CACNA1C: variants seen among roughly 807,000 people sequenced by gnomAD.
CACNA1C encodes calcium voltage-gated channel subunit alpha1 C.
CACNA1C carries 30 observed loss-of-function variants against 229.0 expected under a neutral mutation model. The ratio of observed to expected loss-of-function variants is 0.13; its 90% CI spans 0.10 to 0.18. The LOEUF is 0.18. Among genes scored for constraint, CACNA1C ranks in the 10% least tolerant of loss-of-function variants. The pLI is 1.00. For missense variants in CACNA1C, 1,658 were observed against 2,845.0 expected (o/e 0.58, Z 9.49); for synonymous variants, 1,114 against 1,132.5 (o/e 0.98, Z 0.33).
intron 1 of CACNA1C, among the ~76,000 whole-genome samples, chr12:2,097,724 G>C (rs981632578): frequency 6.6e-6 from 1 of 152,226 alleles, no homozygotes; most frequent in Admixed American, 6.5e-5. Flanking sequence ...AGCACAGGTA[G>C]ATTGGAGGCA....
rs750701778 is a variant in CACNA1C, at chr12:2,486,348, C to A, written c.916+86C>A. The A allele has an allele frequency of 4.4e-6, 5 of 1,125,624 alleles. No individual in the cohort carries two copies. The African/African-American group carries it at 6.2e-5, about 14-fold the overall frequency. 69.7% of individuals were successfully genotyped at this position (1,125,624 alleles called of 1,614,324 possible). On this transcript the variant is annotated intron_variant, in intron 6 of 46. Transcript: ENST00000399655. This position sits in a 1 kb window ranked among gnomAD's most constrained non-coding sequence, Gnocchi z 4.9. ...CCCGCTGCTGGCTACACCAACATGA[C>A]CAGCAGAGCCCAGGGAAGGCCCCAT... is the stretch of plus-strand genomic sequence containing the variant.
intron 3 of CACNA1C, among the ~76,000 whole-genome samples, chr12:2,191,676 G>GCA: frequency 6.8e-6 from 1 of 147,210 alleles, no homozygotes; most frequent in East Asian, 2.0e-4. Flanking sequence ...ACTCATACAG[G>GCA]CACACACGTA....
intron 3 of CACNA1C, among the ~76,000 whole-genome samples, chr12:2,423,166 GC>G (rs2098995238): frequency 6.6e-6 from 1 of 151,730 alleles, no homozygotes; most frequent in Admixed American, 6.6e-5. Flanking sequence ...TTGTGAGAGG[GC>G]CCTCTCTGCT....
chr12:2,658,150 C>T (rs2095519330), intron 34 of CACNA1C, among the ~76,000 whole-genome samples: 1 of 152,082 alleles, frequency 6.6e-6, no homozygotes, highest in African/African-American at 2.4e-5. Context: ...CCAAAAAAAA[C>T]ACATTCTTTT....
rs147892837 is a variant in CACNA1C, at chr12:2,257,703, T to C, written c.477+137273T>C. Reference sequence around the variant, plus strand: ...CTCTCCAAGTCTTTAAGCATTTTCATTGATCTCTTCTCCTCCAGATTCTCC... The same window carrying C: ...CTCTCCAAGTCTTTAAGCATTTTCACTGATCTCTTCTCCTCCAGATTCTCC... On this transcript the variant is annotated intron_variant, in intron 3 of 46. Coordinates refer to ENST00000399655, the MANE Select transcript of CACNA1C (RefSeq NM_000719.7). 3.9e-5 allele frequency among the ~76,000 whole-genome samples: 6 copies of C among 152,368 alleles called. No individual in the cohort carries two copies. The East Asian group carries it at 1.2e-3, about 29-fold the overall frequency.
chr12:2,644,107 C>A (rs535890294), intron 30 of CACNA1C, among the ~76,000 whole-genome samples: 1 of 152,294 alleles, frequency 6.6e-6, no homozygotes, highest in Admixed American at 6.5e-5. Flanking sequence ...TGTAGCAGGA[C>A]CACTATTTAG....
At chr12:2,188,170 G>T (rs577500355) in intron 3 of CACNA1C, among the ~76,000 whole-genome samples, 1 of 152,216 alleles carries the variant, frequency 6.6e-6, no homozygotes, top group African/African-American at 2.4e-5. Flanking sequence ...TGAAGTCCCA[G>T]ACCCTCAGAT....
intron 38 of CACNA1C, among the ~76,000 whole-genome samples, chr12:2,671,943 C>G (rs1178423396): frequency 6.6e-6 from 1 of 151,478 alleles, no homozygotes; most frequent in African/African-American, 2.4e-5. Context: ...CAAGGGTGAG[C>G]CTTCATCAGA....
intron 3 of CACNA1C, among the ~76,000 whole-genome samples, chr12:2,303,989 T>C (rs532882921): frequency 1.4e-4 from 22 of 152,128 alleles, no homozygotes; most frequent in Non-Finnish European, 2.9e-4. Flanking sequence ...TGGAGAGAGA[T>C]TGTGGAGGCA....
At chr12:2,239,274 T>TGTG (rs1202561254) in intron 3 of CACNA1C, among the ~76,000 whole-genome samples, 1 of 152,194 alleles carries the variant, frequency 6.6e-6, no homozygotes, top group Non-Finnish European at 1.5e-5. Flanking sequence ...CAGGGCCCAC[T>TGTG]GGTCATCGGG....
chr12:2,333,730 A>G (rs976000629), intron 3 of CACNA1C, among the ~76,000 whole-genome samples: 1 of 152,172 alleles, frequency 6.6e-6, no homozygotes, highest in African/African-American at 2.4e-5. Context: ...CACAAAATGA[A>G]TCACACAAAG....
chr12:2,105,316 C>T (rs549618022), intron 1 of CACNA1C, among the ~76,000 whole-genome samples: 7 of 152,104 alleles, frequency 4.6e-5, no homozygotes, highest in Admixed American at 6.5e-5. Context: ...AGGGAGTACT[C>T]GTCAGTTGGG....
intron 3 of CACNA1C, among the ~76,000 whole-genome samples, chr12:2,347,976 C>T (rs1419402929): frequency 6.6e-6 from 1 of 152,244 alleles, no homozygotes; most frequent in Non-Finnish European, 1.5e-5. Flanking sequence ...GGGCCATTCT[C>T]ACCGGACTGT....
intron 1 of CACNA1C, among the ~76,000 whole-genome samples, chr12:2,058,252 C>G (rs1008948825): frequency 6.6e-6 from 1 of 152,204 alleles, no homozygotes; most frequent in African/African-American, 2.4e-5. Flanking sequence ...CCTGATACAG[C>G]AGCTGTTTGT....
intron 3 of CACNA1C, among the ~76,000 whole-genome samples, chr12:2,128,870 A>G (rs1277985152): frequency 1.3e-5 from 2 of 152,212 alleles, no homozygotes; most frequent in African/African-American, 2.4e-5. Context: ...ATCCCATTCA[A>G]TAGATGAGCA....
At chr12:2,446,359 T>TGTGG (rs2099279692) in intron 3 of CACNA1C, among the ~76,000 whole-genome samples, 1 of 131,394 alleles carries the variant, frequency 7.6e-6, no homozygotes, top group African/African-American at 2.9e-5. Flanking sequence ...TATGTATGTG[T>TGTGG]GTGGGTGGGT....
intron 3 of CACNA1C, among the ~76,000 whole-genome samples, chr12:2,405,057 G>A (rs2098720756): frequency 6.6e-6 from 1 of 152,200 alleles, no homozygotes; most frequent in African/African-American, 2.4e-5. Flanking sequence ...AGACTCCTTC[G>A]AGGATAACTC....
Position 2,053,677 on chromosome 12 carries a change from G to A in CACNA1C, c.49+66G>A. 3 of 1,444,666 alleles carry A rather than the reference G, an allele frequency of 2.1e-6. No individual in the cohort carries two copies. Among genetic ancestry groups the A allele is most frequent in the South Asian group, 2.7e-5 (2 of 74,382 alleles). The allele number at this position is 1,444,666 out of a possible 1,614,324, so 89.5% of individuals were successfully genotyped here. On this transcript the variant is annotated intron_variant, in intron 1 of 46. Coordinates refer to ENST00000399655, the MANE Select transcript of CACNA1C (RefSeq NM_000719.7). The surrounding 1 kb of genome is among the most constrained non-coding windows in gnomAD (Gnocchi z 5.8). The stretch of plus-strand genomic sequence containing the variant: ...TTTCCACCGGGTTCCTGCCCTACCC[G>A]CGCTCCCCGCGGCCCCGGGGCCGGT...
intron 3 of CACNA1C, among the ~76,000 whole-genome samples, chr12:2,366,466 G>A (rs2097720661): frequency 6.6e-6 from 1 of 152,200 alleles, no homozygotes; most frequent in African/African-American, 2.4e-5. Context: ...AATATTGGGT[G>A]CTGGAGGGAA....
Sources: allele counts gnomAD v4.1 joint callset (sites outside exome capture counted in the v4.1 genomes callset), GRCh38; gene constraint gnomAD v4.1.1; non-coding constraint Gnocchi (gnomAD v3.1); transcripts MANE v1.5; gene names NCBI Gene and HGNC (gene_info 2026-07-23, HGNC 2026-07-21).